Variants in AAMDC observed in about 807,000 individuals in gnomAD.
The protein encoded by AAMDC is mth938 domain-containing protein.
A neutral mutation model predicts 15.5 loss-of-function variants in AAMDC; 16 were observed. That is an observed-to-expected ratio of 1.03 (90% CI 0.70 to 1.57). The LOEUF (loss-of-function observed/expected upper bound fraction) is 1.57, where lower values mean the gene tolerates loss of function less well. Among genes scored for constraint, AAMDC ranks in the 40% most tolerant of loss-of-function variants. The probability of loss-of-function intolerance (pLI) is 0.00; values close to 1 mark genes in which losing one functional copy is unlikely to be tolerated. For synonymous variants in AAMDC, 51 were observed against 51.6 expected (o/e 0.99, Z 0.05); for missense variants, 141 against 144.9 (o/e 0.97, Z 0.14).
At chr11:77,905,770 A>G (rs1038835795) in intron 3 of AAMDC, among the ~76,000 whole-genome samples, 2 of 152,220 alleles carry the variant, frequency 1.3e-5, no homozygotes, top group African/African-American at 2.4e-5. Context: ...AGATGACCAC[A>G]GTTAAAAAGC....
chr11:77,874,802 C>G (rs1320143503), downstream of AAMDC, among the ~76,000 whole-genome samples: 1 of 152,046 alleles, frequency 6.6e-6, no homozygotes, highest in South Asian at 2.1e-4. Flanking sequence ...TTTGGGAGGC[C>G]GAGGTGGGCA....
chr11:77,896,783 T>C (rs770688409), intron 5 of AAMDC, among the ~76,000 whole-genome samples: 6 of 143,220 alleles, frequency 4.2e-5, no homozygotes, highest in Non-Finnish European at 6.1e-5. Flanking sequence ...CTAGAGTGTA[T>C]AGAAGAAGTA....
At chr11:77,878,051 A>T (rs1326890115) in intron 5 of AAMDC, among the ~76,000 whole-genome samples, 7 of 152,216 alleles carry the variant, frequency 4.6e-5, no homozygotes, top group Non-Finnish European at 7.3e-5. Flanking sequence ...CCTAAGAATA[A>T]TGGCAGGCAA....
chr11:77,840,524 AT>A (rs1322750278), intron 1 of AAMDC, among the ~76,000 whole-genome samples: 2 of 152,176 alleles, frequency 1.3e-5, no homozygotes, highest in African/African-American at 4.8e-5. Flanking sequence ...GCCAGACTCC[AT>A]CTCAAAAGAA....
At chr11:77,847,490 G>A (rs563736628) in intron 2 of AAMDC, among the ~76,000 whole-genome samples, 1 of 152,280 alleles carries the variant, frequency 6.6e-6, no homozygotes, top group East Asian at 1.9e-4. Flanking sequence ...GTGACACCCA[G>A]TTACCAACCT....
At chr11:77,857,587 A>T (rs946509380) in intron 2 of AAMDC, among the ~76,000 whole-genome samples, 2 of 151,574 alleles carry the variant, frequency 1.3e-5, no homozygotes, top group African/African-American at 4.8e-5. Flanking sequence ...TTATTTATTT[A>T]TTTTAATTTT....
downstream of AAMDC, chr11:77,901,458 C>T: frequency 1.2e-6 from 2 of 1,613,964 alleles, no homozygotes; most frequent in Middle Eastern, 1.7e-4. Flanking sequence ...AGTTGCAAAG[C>T]TTTGGCCTGC....
intron 5 of AAMDC, among the ~76,000 whole-genome samples, chr11:77,885,540 C>T (rs1253785651): frequency 4.0e-5 from 6 of 151,830 alleles, no homozygotes; most frequent in Admixed American, 3.3e-4. Flanking sequence ...AGGGGAGGGC[C>T]GGGCACAGTG....
At chr11:77,847,532 G>A (rs955831944) in intron 2 of AAMDC, among the ~76,000 whole-genome samples, 2 of 152,134 alleles carry the variant, frequency 1.3e-5, no homozygotes, top group Admixed American at 6.6e-5. Flanking sequence ...ACCTAGATTG[G>A]TAAAAAGAAT....
chr11:77,891,435 C>T (rs1433915263), intron 5 of AAMDC: 6 of 1,613,712 alleles, frequency 3.7e-6, no homozygotes, highest in Middle Eastern at 1.7e-4. Context: ...CCCGCTGGCT[C>T]GATGATGGTG....
At chr11:77,895,527 G>GAAAAAAAAAAAAAA (rs71046921) in intron 5 of AAMDC, among the ~76,000 whole-genome samples, 1 of 39,232 alleles carries the variant, frequency 2.5e-5, no homozygotes, top group African/African-American at 9.4e-5. Context: ...TTCTTTTCCT[G>GAAAAAAAAAAAAAA]AAAAAAAAAA....
intron 3 of AAMDC, among the ~76,000 whole-genome samples, chr11:77,870,329 ATTTT>A (rs965312288): frequency 2.3e-5 from 2 of 87,978 alleles, no homozygotes; most frequent in Non-Finnish European, 4.4e-5. Flanking sequence ...CTATTTTTTA[ATTTT>A]TTTTTTTTTT....
chr11:77,860,614 G>T (rs1269021213), intron 2 of AAMDC, among the ~76,000 whole-genome samples: 1 of 152,232 alleles, frequency 6.6e-6, no homozygotes, highest in Non-Finnish European at 1.5e-5. Flanking sequence ...GTCCAGGTGT[G>T]AGAACTGGCT....
chr11:77,903,839 C>A (rs760564856), downstream of AAMDC, among the ~76,000 whole-genome samples: 3 of 152,072 alleles, frequency 2.0e-5, no homozygotes, highest in Non-Finnish European at 4.4e-5. Context: ...AATTCTTGGC[C>A]CAAAGGCTCT....
intron 2 of AAMDC, among the ~76,000 whole-genome samples, chr11:77,843,038 T>C (rs1274027119): frequency 6.6e-6 from 1 of 152,204 alleles, no homozygotes; most frequent in Non-Finnish European, 1.5e-5. Context: ...CTTAGGTGTG[T>C]TCCTAGGAGT....
At chr11:77,827,435 C>T (rs1949230373) in intron 1 of AAMDC, among the ~76,000 whole-genome samples, 1 of 152,120 alleles carries the variant, frequency 6.6e-6, no homozygotes, top group Non-Finnish European at 1.5e-5. Context: ...AAGGATTATA[C>T]ACCATAAACA....
intron 2 of AAMDC, among the ~76,000 whole-genome samples, chr11:77,843,197 T>A (rs1297693044): frequency 1.3e-5 from 2 of 152,240 alleles, no homozygotes; most frequent in Non-Finnish European, 2.9e-5. Flanking sequence ...TTCATTGTTT[T>A]GTTTTTATTA....
intron 5 of AAMDC, among the ~76,000 whole-genome samples, chr11:77,890,679 T>C (rs1260769383): frequency 6.6e-6 from 1 of 152,120 alleles, no homozygotes; most frequent in Non-Finnish European, 1.5e-5. Flanking sequence ...CTGTGACATA[T>C]TTACCTTGGC....
At chr11:77,873,185 G>A (rs545279884), downstream of AAMDC, among the ~76,000 whole-genome samples, 2 of 152,194 alleles carry the variant, frequency 1.3e-5, no homozygotes, top group Non-Finnish European at 2.9e-5. Context: ...GCAGCTCACT[G>A]CCACTCACTG....
Sources: gnomAD v4.1 joint callset for allele counts (sites outside exome capture counted in the v4.1 genomes callset) on GRCh38, gnomAD v4.1.1 for gene constraint, MANE v1.5 for transcripts, NCBI Gene and HGNC (gene_info 2026-07-23, HGNC 2026-07-21) for gene names.